DLGAP2: variants seen among roughly 807,000 people sequenced by gnomAD.
The protein encoded by DLGAP2 is disks large-associated protein 2.
Under a neutral mutation model 100.3 loss-of-function variants are expected in DLGAP2, and 26 were observed. The ratio of observed to expected loss-of-function variants is 0.26; its 90% confidence interval spans 0.19 to 0.36. The LOEUF (loss-of-function observed/expected upper bound fraction) is 0.36, where lower values mean the gene tolerates loss of function less well. Ranked by LOEUF, DLGAP2 falls within the 10% of genes least tolerant of loss-of-function variation. DLGAP2 has a pLI of 1.00. For missense variants in DLGAP2, 1,858 were observed against 1,453.2 expected (o/e 1.28, Z -4.53); for synonymous variants, 886 against 630.1 (o/e 1.41, Z -6.08).
chr8:855,969 G>A (rs548083339), intron 1 of DLGAP2, among the ~76,000 whole-genome samples: 1 of 152,238 alleles, frequency 6.6e-6, no homozygotes, highest in South Asian at 2.1e-4. Flanking sequence ...GAAATTTGGA[G>A]CATCCCGCAG....
chr8:879,483 G>A (rs1797744898), intron 1 of DLGAP2, among the ~76,000 whole-genome samples: 1 of 152,152 alleles, frequency 6.6e-6, no homozygotes, highest in African/African-American at 2.4e-5. Flanking sequence ...TCCTGTGAAG[G>A]CATCTTTCTG....
At chr8:1,123,784 C>T (rs985993064) in intron 2 of DLGAP2, among the ~76,000 whole-genome samples, 3 of 152,182 alleles carry the variant, frequency 2.0e-5, no homozygotes, top group African/African-American at 7.2e-5. Context: ...AATAAAACTT[C>T]AGCACTTTGT....
intron 3 of DLGAP2, among the ~76,000 whole-genome samples, chr8:1,463,405 A>C (rs1226033641): frequency 6.6e-6 from 1 of 152,218 alleles, no homozygotes; most frequent in African/African-American, 2.4e-5. Flanking sequence ...ACTCAGAGAG[A>C]ACCCAGCATG....
chr8:1,069,839 T>A (rs569063059), intron 2 of DLGAP2, among the ~76,000 whole-genome samples: 7 of 152,288 alleles, frequency 4.6e-5, no homozygotes, highest in Admixed American at 2.0e-4. Flanking sequence ...TGTGAGGGCC[T>A]GTGGCTGCCT....
intron 1 of DLGAP2, among the ~76,000 whole-genome samples, chr8:756,632 C>G (rs1820927813): frequency 6.6e-6 from 1 of 152,060 alleles, no homozygotes; most frequent in Non-Finnish European, 1.5e-5. Context: ...AAGACCTATG[C>G]AAGCTGAAAG....
At chr8:845,944 C>T (rs1425366440) in intron 1 of DLGAP2, among the ~76,000 whole-genome samples, 1 of 152,132 alleles carries the variant, frequency 6.6e-6, no homozygotes, top group African/African-American at 2.4e-5. Flanking sequence ...TGTCTTGGCA[C>T]CCTTGTCAAA....
intron 2 of DLGAP2, among the ~76,000 whole-genome samples, chr8:1,077,266 C>G (rs1252229954): frequency 6.6e-6 from 1 of 152,174 alleles, no homozygotes; most frequent in Admixed American, 6.5e-5. Context: ...CTGTAGCAGC[C>G]CCTGTTTCTA....
chr8:1,638,950 G>A (rs1434824894), intron 8 of DLGAP2, among the ~76,000 whole-genome samples: 1 of 152,220 alleles, frequency 6.6e-6, no homozygotes, highest in Non-Finnish European at 1.5e-5. Flanking sequence ...GCTGGGTCAT[G>A]GAGTGCAGGT....
chr8:1,273,368 C>T (rs558551689), intron 3 of DLGAP2, among the ~76,000 whole-genome samples: 2 of 152,314 alleles, frequency 1.3e-5, no homozygotes, highest in Admixed American at 6.5e-5. Flanking sequence ...GAGCATGAGG[C>T]ACAGCTCACA....
intron 5 of DLGAP2, among the ~76,000 whole-genome samples, chr8:1,557,013 C>T (rs1193041106): frequency 6.6e-6 from 1 of 151,584 alleles, no homozygotes; most frequent in Non-Finnish European, 1.5e-5. Context: ...GCCATGCACC[C>T]AGCGTTTCTC....
chr8:1,079,510 A>T (rs1160552679), intron 2 of DLGAP2, among the ~76,000 whole-genome samples: 2 of 152,194 alleles, frequency 1.3e-5, no homozygotes, highest in Non-Finnish European at 2.9e-5. Context: ...TTAAGAGCTC[A>T]TGTGGCCCTA....
At chr8:1,281,651 T>G (rs1232227722) in intron 3 of DLGAP2, among the ~76,000 whole-genome samples, 4 of 152,024 alleles carry the variant, frequency 2.6e-5, no homozygotes, top group African/African-American at 9.7e-5. Context: ...CAATCAAGAG[T>G]ACAGCACCAG....
Position 1,467,074 on chromosome 8 carries a change from C to T in DLGAP2, c.107-34292C>T, listed in dbSNP as rs370647794. 1.4e-4 allele frequency among the ~76,000 whole-genome samples: 20 copies of T among 139,942 alleles called. 1 individual carries two copies. Among genetic ancestry groups the T allele is most frequent in the Middle Eastern group, 6.9e-3 (2 of 290 alleles). 91.8% of individuals were successfully genotyped at this position (139,942 alleles called of 152,430 possible). A position where few individuals can be genotyped will look rare whatever the true frequency, so the allele number is the denominator to read the frequency against. ...GATAAAGAAGACGGATGCCCGGCCC[C>T]GGGACCAGGATGGTCAGTCCCAGAT... is the stretch of plus-strand genomic sequence containing the variant. On this transcript the variant is annotated intron_variant, in intron 3 of 14. Transcript: ENST00000637795.
chr8:1,377,497 T>A (rs576784001), intron 3 of DLGAP2, among the ~76,000 whole-genome samples: 23 of 152,086 alleles, frequency 1.5e-4, no homozygotes, highest in Non-Finnish European at 3.2e-4. Context: ...TGAGCTGAGA[T>A]CGCACCACTG....
chr8:1,200,797 ACT>A (rs1421666109), intron 2 of DLGAP2, among the ~76,000 whole-genome samples: 1 of 152,152 alleles, frequency 6.6e-6, no homozygotes, highest in Admixed American at 6.5e-5. Flanking sequence ...CTTCCAGAAG[ACT>A]CTGAGAGAAT....
At chr8:1,379,577 C>G (rs146583741) in intron 3 of DLGAP2, 36 of 152,218 alleles carry the variant, frequency 2.4e-4, no homozygotes, top group African/African-American at 8.7e-4. Flanking sequence ...GAACCGTAAC[C>G]GCTGTCATCA....
At chr8:907,109 C>G (rs11137108) in intron 1 of DLGAP2, among the ~76,000 whole-genome samples, 1 of 152,166 alleles carries the variant, frequency 6.6e-6, no homozygotes, top group Non-Finnish European at 1.5e-5. Flanking sequence ...GCAACAGCCT[C>G]TAATCACCCT....
At chr8:1,062,882 A>G (rs971968667) in intron 2 of DLGAP2, among the ~76,000 whole-genome samples, 2 of 152,200 alleles carry the variant, frequency 1.3e-5, no homozygotes, top group African/African-American at 2.4e-5. Flanking sequence ...CATTTTCCCA[A>G]TAATCACCGA....
intron 2 of DLGAP2, among the ~76,000 whole-genome samples, chr8:934,959 C>G (rs946485443): frequency 6.6e-6 from 1 of 152,226 alleles, no homozygotes; most frequent in African/African-American, 2.4e-5. Flanking sequence ...TCCTTTCTGT[C>G]TCTTCAGCGT....
Sources: gnomAD v4.1 joint callset for allele counts (sites outside exome capture counted in the v4.1 genomes callset) on GRCh38, gnomAD v4.1.1 for gene constraint, MANE v1.5 for transcripts, NCBI Gene and HGNC (gene_info 2026-07-23, HGNC 2026-07-21) for gene names.